Variants in GRK5 observed in about 807,000 individuals in gnomAD.
The protein encoded by GRK5 is G protein-coupled receptor kinase 5, also known as g protein-coupled receptor kinase GRK5.
In GRK5, 40 loss-of-function variants were observed where a neutral mutation model predicts 78.4. That is an observed-to-expected ratio of 0.51 (90% confidence interval 0.40 to 0.66). GRK5 has a LOEUF of 0.66. GRK5 is among the 30% of genes least tolerant of loss of function. GRK5 has a pLI of 0.00. For synonymous variants in GRK5, 289 were observed against 296.8 expected (o/e 0.97, Z 0.27); for missense variants, 598 against 759.9 (o/e 0.79, Z 2.50).
At chr10:119,409,214 G>T (rs1852294773) in intron 4 of GRK5, among the ~76,000 whole-genome samples, 1 of 152,202 alleles carries the variant, frequency 6.6e-6, no homozygotes, top group South Asian at 2.1e-4. Flanking sequence ...TTTCATGACT[G>T]TGTAATTGTC....
At chr10:119,450,284 C>T (rs938107833) in intron 13 of GRK5, among the ~76,000 whole-genome samples, 4 of 152,244 alleles carry the variant, frequency 2.6e-5, no homozygotes, top group Non-Finnish European at 4.4e-5. Context: ...GCTATGGTGA[C>T]GGGCTGAGAT....
chr10:119,317,529 C>T (rs1203057355), intron 1 of GRK5, among the ~76,000 whole-genome samples: 1 of 152,156 alleles, frequency 6.6e-6, no homozygotes, highest in Admixed American at 6.5e-5. Context: ...GCAGTGCTCT[C>T]CCTGCAGTCT....
chr10:119,239,619 C>T (rs1848988514), intron 1 of GRK5, among the ~76,000 whole-genome samples: 1 of 152,112 alleles, frequency 6.6e-6, no homozygotes, highest in Non-Finnish European at 1.5e-5. Context: ...GCTATGGTGG[C>T]TTGCTGCATC....
At chr10:119,335,129 C>CTCTCTCTCT (rs1850852320) in intron 2 of GRK5, 1 of 9,872 alleles carries the variant, frequency 1.0e-4, no homozygotes, top group East Asian at 2.9e-3. Flanking sequence ...GCCTGCCTTG[C>CTCTCTCTCT]CTCTCTCTCT....
At chr10:119,247,001 C>T (rs1020461521) in intron 1 of GRK5, among the ~76,000 whole-genome samples, 2 of 152,128 alleles carry the variant, frequency 1.3e-5, no homozygotes, top group African/African-American at 4.8e-5. Context: ...TCTGGGATGC[C>T]GGGGTCAGAT....
chr10:119,431,631 T>TTCCCA lies in GRK5; in HGVS notation c.738+104_738+105insTCCCA. The TTCCCA allele has an allele frequency of 1.5e-6, 2 of 1,359,344 alleles. No individual in the cohort carries two copies. The highest frequency in any genetic ancestry group is 2.0e-6 in the Non-Finnish European group (2 of 1,002,362). The allele number at this position is 1,359,344 out of a possible 1,614,324, so 84.2% of individuals were successfully genotyped here. ...CTCTAATGCGGCCGGTCCCCACCCCTGGGAAGGGGAATGCCAGTGGCAGCG... is the reference window on the plus strand; with the variant it reads ...CTCTAATGCGGCCGGTCCCCACCCCTTCCCAGGGAAGGGGAATGCCAGTGGCAGCG... On this transcript the variant is annotated intron_variant, in intron 8 of 15. Coordinates refer to ENST00000392870, the MANE Select transcript of GRK5 (RefSeq NM_005308.3). This position sits in a 1 kb window ranked among gnomAD's most constrained non-coding sequence, Gnocchi z 4.8.
At position 119,316,397 on chromosome 10, in the gene GRK5, C is replaced by T. The variant is rs541003111; in HGVS notation, c.53-10119C>T. 2.6e-5 allele frequency among the ~76,000 whole-genome samples: 4 copies of T among 152,332 alleles called. No homozygotes were observed. In the East Asian group the frequency reaches 7.7e-4, roughly 29 times the overall value. On this transcript the variant is annotated intron_variant, in intron 1 of 15. Coordinates refer to ENST00000392870, the MANE Select transcript of GRK5 (RefSeq NM_005308.3). Reference sequence around the variant, plus strand: ...CCTGAAGACATAGCAGCCTCAACAGCTGCAACACAGTTCTAACTACCCAGG... The same window carrying T: ...CCTGAAGACATAGCAGCCTCAACAGTTGCAACACAGTTCTAACTACCCAGG...
At chr10:119,250,538 A>T (rs1849183108) in intron 1 of GRK5, among the ~76,000 whole-genome samples, 1 of 123,948 alleles carries the variant, frequency 8.1e-6, no homozygotes, top group Non-Finnish European at 1.6e-5. Flanking sequence ...TTTTTTGTAC[A>T]GTCAAGGTCT....
chr10:119,351,279 C>G lies in GRK5; in HGVS notation c.148+24668C>G, dbSNP rs189004078. Among the ~76,000 whole-genome samples, 10 of 152,236 alleles carry G rather than the reference C, an allele frequency of 6.6e-5. No individual in the cohort carries two copies. In the East Asian group the frequency reaches 1.9e-3, roughly 29 times the overall value. The stretch of plus-strand genomic sequence containing the variant: ...TGAGTAAATACTGTAATGGTGGTAA[C>G]TCTTTGATATGGTTTGGCTCTGTGT... On this transcript the variant is annotated intron_variant, in intron 2 of 15. Coordinates refer to ENST00000392870, the MANE Select transcript of GRK5 (RefSeq NM_005308.3).
In GRK5 at chr10:119,305,378, C is replaced by T. The variant is rs1303825304; in HGVS notation, c.53-21138C>T. Among the ~76,000 whole-genome samples the T allele has an allele frequency of 2.0e-5, 3 of 152,212 alleles. No individual in the cohort carries two copies. The East Asian group carries it at 5.8e-4, about 29-fold the overall frequency. ...GCTCACTCACTTATTCAAGCATTCA[C>T]TCGTTCACAGACATGTCAGAGGTCT... On this transcript the variant is annotated intron_variant, in intron 1 of 15. Coordinates refer to ENST00000392870, the MANE Select transcript of GRK5 (RefSeq NM_005308.3).
chr10:119,453,375 G>T lies in GRK5; in HGVS notation c.1674+99G>T, dbSNP rs1853335010. On this transcript the variant is annotated intron_variant, in intron 15 of 15. Coordinates refer to ENST00000392870, the MANE Select transcript of GRK5 (RefSeq NM_005308.3). ...GACCCACAGTAGAGACCCTTGGAAGGCTTGGAAGTCTGGGGCAGTAGCAGC... is the reference window on the plus strand; with the variant it reads ...GACCCACAGTAGAGACCCTTGGAAGTCTTGGAAGTCTGGGGCAGTAGCAGC... 1.6e-5 allele frequency: 22 copies of T among 1,417,698 alleles called. 1 individual carries two copies. In the South Asian group the frequency reaches 2.3e-4, roughly 15 times the overall value. 87.8% of individuals were successfully genotyped at this position (1,417,698 alleles called of 1,614,324 possible).
intron 3 of GRK5, among the ~76,000 whole-genome samples, chr10:119,394,037 G>T (rs1427265594): frequency 1.3e-5 from 2 of 149,610 alleles, no homozygotes; most frequent in African/African-American, 4.9e-5. Context: ...GTGTGGATGG[G>T]TATCTGTGGG....
At chr10:119,334,176 C>A (rs943227229) in intron 2 of GRK5, among the ~76,000 whole-genome samples, 1 of 152,204 alleles carries the variant, frequency 6.6e-6, no homozygotes, top group African/African-American at 2.4e-5. Context: ...TGCAGCGGCG[C>A]AAGCCTGGAA....
chr10:119,324,934 C>T lies in GRK5; in HGVS notation c.53-1582C>T, dbSNP rs116494907. 4.4e-3 allele frequency among the ~76,000 whole-genome samples: 664 copies of T among 152,284 alleles called. 8 individuals are homozygous for T. Among genetic ancestry groups the T allele is most frequent in the African/African-American group, 0.015 (636 of 41,520 alleles). ...CCCAATACGCATTCCTTCTGTCCCTCGGAGTGTGAGGCCTTGGCCGTCTGT... is the reference window on the plus strand; with the variant it reads ...CCCAATACGCATTCCTTCTGTCCCTTGGAGTGTGAGGCCTTGGCCGTCTGT... On this transcript the variant is annotated intron_variant, in intron 1 of 15. Coordinates refer to ENST00000392870, the MANE Select transcript of GRK5 (RefSeq NM_005308.3).
rs1297037444 is a variant in GRK5 at position 119,238,761 on chromosome 10, C to T, written c.52+30792C>T. Among the ~76,000 whole-genome samples, 1 of 152,146 alleles carries T rather than the reference C, an allele frequency of 6.6e-6. No individual in the cohort carries two copies. The highest frequency in any genetic ancestry group is 1.9e-4 in the East Asian group (1 of 5,186). On this transcript the variant is annotated intron_variant, in intron 1 of 15. Coordinates refer to ENST00000392870, the MANE Select transcript of GRK5 (RefSeq NM_005308.3). This position sits in a 1 kb window ranked among gnomAD's most constrained non-coding sequence, Gnocchi z 4.7. Reference sequence around the variant, plus strand: ...CCATCTGGAATTGGTTAGCCACATTCTTCTGGGCTCTGATGAGAAATGATG... The same window carrying T: ...CCATCTGGAATTGGTTAGCCACATTTTTCTGGGCTCTGATGAGAAATGATG...
intron 4 of GRK5, among the ~76,000 whole-genome samples, chr10:119,411,567 C>T (rs2133870376): frequency 6.6e-6 from 1 of 152,208 alleles, no homozygotes; most frequent in South Asian, 2.1e-4. Context: ...GCTGAGCATG[C>T]TTTTTAAGAA....
At chr10:119,363,447 G>A (rs1851397293) in intron 2 of GRK5, among the ~76,000 whole-genome samples, 2 of 152,196 alleles carry the variant, frequency 1.3e-5, no homozygotes, top group South Asian at 4.1e-4. Flanking sequence ...GCTAGTACGT[G>A]GTTGTAGAAG....
rs1848910351 is a variant in GRK5, at chr10:119,235,533, G to GT, written c.52+27570dup. ...GCAGAGTGGGAGTCTGGGACCAGTT[G>GT]TTTTTTCATTGAGGGCCCCTTACAA... On this transcript the variant is annotated intron_variant, in intron 1 of 15. Coordinates refer to ENST00000392870, the MANE Select transcript of GRK5 (RefSeq NM_005308.3). Among the ~76,000 whole-genome samples, 15 of 152,208 alleles carry GT rather than the reference G, an allele frequency of 9.9e-5. No homozygotes were observed. In the South Asian group the frequency reaches 2.9e-3, roughly 29 times the overall value.
At chr10:119,261,498 G>A (rs1159664941) in intron 1 of GRK5, among the ~76,000 whole-genome samples, 1 of 151,970 alleles carries the variant, frequency 6.6e-6, no homozygotes, top group South Asian at 2.1e-4. Context: ...AGACGGGGTG[G>A]CGGCCGGGCA....
Sources: gnomAD v4.1 joint callset for allele counts (sites outside exome capture counted in the v4.1 genomes callset) on GRCh38, gnomAD v4.1.1 for gene constraint, Gnocchi (gnomAD v3.1) non-coding constraint, MANE v1.5 for transcripts, NCBI Gene and HGNC (gene_info 2026-07-23, HGNC 2026-07-21) for gene names.